The following SAMD14 variants were observed in gnomAD, a reference collection of about 807,000 sequenced individuals.
The protein encoded by SAMD14 is sterile alpha motif domain containing 14, also known as sterile alpha motif domain-containing protein 14.
Under a neutral mutation model 46.2 loss-of-function variants are expected in SAMD14, and 27 were observed. The ratio of observed to expected loss-of-function variants is 0.58; its 90% confidence interval spans 0.43 to 0.81. The LOEUF (loss-of-function observed/expected upper bound fraction) is 0.81. Among genes scored for constraint, SAMD14 ranks in the 30% least tolerant of loss-of-function variants. The pLI, the probability that SAMD14 is intolerant of heterozygous loss-of-function variation, is 0.00. For synonymous variants in SAMD14, 241 were observed against 254.3 expected (o/e 0.95, Z 0.50); for missense variants, 559 against 582.2 (o/e 0.96, Z 0.41).
chr17:50,114,160 T>C, intron 8 of SAMD14, 27 bp downstream of exon 8: 1 of 1,614,078 alleles, frequency 6.2e-7, no homozygotes, highest in Non-Finnish European at 8.5e-7. Context: ...CAGGACTCCG[T>C]GGGCACCCTG....
chr17:50,118,349 C>CA lies in SAMD14; in HGVS notation c.44-23dup, dbSNP rs1381846881. ...AGGTCTGCGAACCGGGGGAGGGGAG[C>CA]AGAGACCAGACACATGAGAGGTGAC... On this transcript the variant is annotated intron_variant, in intron 2 of 9. Coordinates refer to ENST00000330175, the MANE Select transcript of SAMD14 (RefSeq NM_001257359.2). The CA allele has an allele frequency of 2.5e-6, 4 of 1,607,620 alleles. 1 individual carries two copies. In the South Asian group the frequency reaches 4.4e-5, roughly 18 times the overall value.
At position 50,112,908 on chromosome 17, in the gene SAMD14, C is replaced by T. The variant is rs767587142; in HGVS notation, c.1239G>A (p.Glu413=). Residue 413 remains glutamate, a synonymous_variant, in exon 10 of 10, where the codon GAG becomes GAA. Coordinates refer to ENST00000330175, the MANE Select transcript of SAMD14 (RefSeq NM_001257359.2). ...GCACCCTCCCCTAGCTCTTCTTGGC[C>T]TCCTGCTCTCGGCGCCGGAGCTTCT... ...QREKLRRREQ[E]AKKS 5 of 1,605,986 alleles carry T rather than the reference C, an allele frequency of 3.1e-6. No homozygotes were observed. Among genetic ancestry groups the T allele is most frequent in the South Asian group, 1.1e-5 (1 of 91,066 alleles).
chr17:50,117,416 G>T lies in SAMD14; in HGVS notation c.490C>A (p.His164Asn). The change falls in exon 4 of 10, where the codon CAC becomes AAC. Residue 164 changes from histidine to asparagine, a missense_variant. By Grantham distance (68) the His-to-Asn change is moderately conservative. Transcript: ENST00000330175. ...GCTGGCCGCCTCTCACCTTCGCTGT[G>T]CGGCTCTGCGCGCGGGTGGCGGCGC... ...FVRRHPRAEP[H>N]SEDDSRDASP... The T allele has an allele frequency of 7.5e-7, 1 of 1,331,724 alleles. No individual in the cohort carries two copies. The allele number at this position is 1,331,724 out of a possible 1,614,324, so 82.5% of individuals were successfully genotyped here.
intron 2 of SAMD14, among the ~76,000 whole-genome samples, chr17:50,124,392 C>A (rs1306222370): frequency 1.3e-5 from 2 of 152,192 alleles, no homozygotes; most frequent in East Asian, 3.9e-4. Flanking sequence ...AGGGTGAGGT[C>A]CCTTGCACTT....
At chr17:50,127,108 A>T (rs1911813429) in intron 1 of SAMD14, among the ~76,000 whole-genome samples, 1 of 151,758 alleles carries the variant, frequency 6.6e-6, no homozygotes, top group Non-Finnish European at 1.5e-5. Context: ...CTCAAAAAAA[A>T]AAAAATTAAG....
chr17:50,111,638 G>T lies in SAMD14; in HGVS notation c.*1255C>A. On this transcript the variant is annotated 3_prime_UTR_variant, in exon 10 of 10. Transcript: ENST00000330175. ...TGCCGCTCTGTCTGGGCAGATGGGA[G>T]GAGCTGGAGGGGTTTCCAAGCGGGA... 6.6e-6 allele frequency: 1 copy of T among 152,456 alleles called. No individual in the cohort carries two copies. The allele number at this position is 152,456 out of a possible 1,614,324, so 9.4% of individuals were successfully genotyped here.
At chr17:50,114,659 C>T in intron 7 of SAMD14, 1 of 516,336 alleles carries the variant, frequency 1.9e-6, no homozygotes, top group Non-Finnish European at 3.4e-6. Flanking sequence ...CTTAGTACCC[C>T]AGCTAATAAG....
intron 7 of SAMD14, 81 bp from the exon 8 acceptor site, chr17:50,114,387 G>A: frequency 6.2e-7 from 1 of 1,613,986 alleles, no homozygotes; most frequent in African/African-American, 1.3e-5. Context: ...CGAAGTCCTG[G>A]ACTAGGCACC....
At chr17:50,127,159 A>C (rs1005233707) in intron 1 of SAMD14, among the ~76,000 whole-genome samples, 3 of 152,054 alleles carry the variant, frequency 2.0e-5, no homozygotes, top group Non-Finnish European at 4.4e-5. Context: ...AATAATAATA[A>C]TAATAAAAGA....
In SAMD14 at chr17:50,129,149, GA is replaced by G. The variant is rs551817041; in HGVS notation, c.-13+367del. ...CTGTTGGAGATGGGGTGAGGTTGGG[GA>G]CAGGGCACCTACTCCACTCTCAGAG... On this transcript the variant is annotated intron_variant, in intron 1 of 9. Coordinates refer to ENST00000330175, the MANE Select transcript of SAMD14 (RefSeq NM_001257359.2). The surrounding 1 kb of genome is among the most constrained non-coding windows in gnomAD (Gnocchi z 5.6). Among the ~76,000 whole-genome samples the G allele has an allele frequency of 2.0e-4, 31 of 152,188 alleles. No individual in the cohort carries two copies. Among genetic ancestry groups the G allele is most frequent in the Non-Finnish European group, 4.1e-4 (28 of 67,992 alleles).
intron 2 of SAMD14, among the ~76,000 whole-genome samples, chr17:50,120,759 T>A (rs1395282098): frequency 6.6e-6 from 1 of 152,200 alleles, no homozygotes; most frequent in South Asian, 2.1e-4. Flanking sequence ...CTGCCCTTTT[T>A]CTGCAAGGCT....
intron 2 of SAMD14, 140 bp downstream of exon 2, chr17:50,124,777 A>G (rs111860063): frequency 0.018 from 7,867 of 445,370 alleles, 67 homozygotes; most frequent in African/African-American, 0.061. Flanking sequence ...GCGCGCACAC[A>G]CACACACACA....
rs1022748650 is a variant in SAMD14, at chr17:50,129,312, G to A, written c.-13+205C>T. 6.6e-6 allele frequency among the ~76,000 whole-genome samples: 1 copy of A among 152,100 alleles called. No individual in the cohort carries two copies. The highest frequency in any genetic ancestry group is 6.5e-5 in the Admixed American group (1 of 15,278). The stretch of plus-strand genomic sequence containing the variant: ...TTATTAATTTCTCCGGGCGTCGGGC[G>A]GGAGGGAGGGGATTAGGGCCATAAA... On this transcript the variant is annotated intron_variant, in intron 1 of 9. Transcript: ENST00000330175. The surrounding 1 kb of genome is among the most constrained non-coding windows in gnomAD (Gnocchi z 5.6).
rs765438277 is a variant in SAMD14, at chr17:50,117,627, CG to C, written c.278del (p.Pro93ArgfsTer186). ...RSPLHSGPGS[P>X]AGGSFCLDPP... ...GATCCAGGCAGAAAGAGCCCCCGGC[CG>C]GGGACCCCGGGCCTGAGTGCAAAGG... is the stretch of plus-strand genomic sequence containing the variant. On this transcript the variant is annotated frameshift_variant, in exon 4 of 10. Coordinates refer to ENST00000330175, the MANE Select transcript of SAMD14 (RefSeq NM_001257359.2). LOFTEE classifies it high-confidence loss of function. 1.3e-6 allele frequency: 2 copies of C among 1,559,170 alleles called. No homozygotes were observed. Among genetic ancestry groups the C allele is most frequent in the Admixed American group, 1.8e-5 (1 of 55,772 alleles).
Position 50,117,697 on chromosome 17 carries a change from T to TG in SAMD14, c.211-3dup. On this transcript the variant is annotated splice_region_variant and splice_polypyrimidine_tract_variant and intron_variant, in intron 3 of 9. Coordinates refer to ENST00000330175, the MANE Select transcript of SAMD14 (RefSeq NM_001257359.2). ...GGGGCTCCCGCAGCCATCGGTCACCTGGACGAGGGGGCAGCCGCTCACCGA... is the reference window on the plus strand; with the variant it reads ...GGGGCTCCCGCAGCCATCGGTCACCTGGGACGAGGGGGCAGCCGCTCACCGA... 6.9e-7 allele frequency: 1 copy of TG among 1,442,024 alleles called. No homozygotes were observed. Among genetic ancestry groups the TG allele is most frequent in the South Asian group, 1.5e-5 (1 of 68,534 alleles). The allele number at this position is 1,442,024 out of a possible 1,614,324, so 89.3% of individuals were successfully genotyped here. A position where few individuals can be genotyped will look rare whatever the true frequency, so the allele number is the denominator to read the frequency against.
In SAMD14 at chr17:50,110,046, G is replaced by A; in HGVS notation, c.*2847C>T. On this transcript the variant is annotated 3_prime_UTR_variant, in exon 10 of 10. Transcript: ENST00000330175. ...AGACCATCCAGGAGGCCGGCGACTGGTGTGTGCCCAGCACGGAGCCCAAGA... is the reference window on the plus strand; with the variant it reads ...AGACCATCCAGGAGGCCGGCGACTGATGTGTGCCCAGCACGGAGCCCAAGA... 2 of 1,611,154 alleles carry A rather than the reference G, an allele frequency of 1.2e-6. No individual in the cohort carries two copies. The highest frequency in any genetic ancestry group is 1.3e-5 in the African/African-American group (1 of 74,998).
At position 50,115,548 on chromosome 17, in the gene SAMD14, A is replaced by G; in HGVS notation, c.822+16T>C. 6.6e-7 allele frequency: 1 copy of G among 1,512,528 alleles called. No homozygotes were observed. Among genetic ancestry groups the G allele is most frequent in the Non-Finnish European group, 8.9e-7 (1 of 1,128,274 alleles). 93.7% of individuals were successfully genotyped at this position (1,512,528 alleles called of 1,614,324 possible). ...GACTGGGGGCCAGTTTGGGGACAAG[A>G]AAGGCATGGACTTACCTGGGAAGCT... On this transcript the variant is annotated intron_variant, in intron 7 of 9. Transcript: ENST00000330175. The surrounding 1 kb of genome is among the most constrained non-coding windows in gnomAD (Gnocchi z 5.3).
chr17:50,117,556 G>A lies in SAMD14; in HGVS notation c.350C>T (p.Ser117Leu). The change falls in exon 4 of 10, where the codon TCG becomes TTG. Residue 117 changes from serine (S) to leucine (L), a missense_variant. Coordinates refer to ENST00000330175, the MANE Select transcript of SAMD14 (RefSeq NM_001257359.2). The part of the protein sequence containing the change: ...RSLDEDEPPP[S>L]PLTRYRPLHN... ...CAGGGGCCGGTAGCGTGTGAGCGGC[G>A]AGGGCGGCGGCTCGTCCTCGTCCAG... 1 of 1,551,796 alleles carries A rather than the reference G, an allele frequency of 6.4e-7. No homozygotes were observed.
chr17:50,113,109 C>T (rs547831350), intron 9 of SAMD14, 61 bp from the exon 10 acceptor site: 216 of 1,577,944 alleles, frequency 1.4e-4, no homozygotes, highest in East Asian at 2.9e-4. Context: ...TGGCCTCCCA[C>T]GCCCAGGCTC....
Sources: gnomAD v4.1 joint callset for allele counts (sites outside exome capture counted in the v4.1 genomes callset) on GRCh38, gnomAD v4.1.1 for gene constraint, Gnocchi (gnomAD v3.1) non-coding constraint, MANE v1.5 for transcripts, NCBI Gene and HGNC (gene_info 2026-07-23, HGNC 2026-07-21) for gene names.